Variants in PRKG1 observed in about 807,000 individuals in gnomAD.
PRKG1 encodes cGMP-dependent protein kinase 1.
Under a neutral mutation model 88.1 loss-of-function variants are expected in PRKG1, and 35 were observed. The ratio of observed to expected loss-of-function variants is 0.40; its 90% CI spans 0.30 to 0.53. The LOEUF is 0.53. Ranked by LOEUF, PRKG1 falls within the 20% of genes least tolerant of loss-of-function variation. The pLI, the probability that PRKG1 is intolerant of heterozygous loss-of-function variation, is 0.59. For synonymous variants in PRKG1, 303 were observed against 292.5 expected (o/e 1.04, Z -0.37); for missense variants, 540 against 839.8 (o/e 0.64, Z 4.41).
intron 3 of PRKG1, among the ~76,000 whole-genome samples, chr10:51,672,860 A>G (rs770996527): frequency 1.4e-4 from 21 of 152,212 alleles, no homozygotes; most frequent in Admixed American, 1.3e-4. Context: ...AAGCCAGCCA[A>G]TTCTTGTGTT....
chr10:52,086,003 G>A (rs1846903993), intron 7 of PRKG1, among the ~76,000 whole-genome samples: 1 of 151,990 alleles, frequency 6.6e-6, no homozygotes, highest in Non-Finnish European at 1.5e-5. Context: ...CATGTTACCT[G>A]AATTACTTTT....
intron 2 of PRKG1, among the ~76,000 whole-genome samples, chr10:51,209,304 C>A (rs1214788420): frequency 6.6e-6 from 1 of 152,100 alleles, no homozygotes; most frequent in Non-Finnish European, 1.5e-5. Context: ...TAACTGACAA[C>A]CTCATCCAGT....
At chr10:51,029,528 T>A (rs771240050) in intron 1 of PRKG1, among the ~76,000 whole-genome samples, 1 of 152,166 alleles carries the variant, frequency 6.6e-6, no homozygotes, top group Non-Finnish European at 1.5e-5. Flanking sequence ...TTGTGATATC[T>A]TGCAGGACAC....
At chr10:51,124,348 T>A (rs572112881) in intron 1 of PRKG1, among the ~76,000 whole-genome samples, 2 of 152,286 alleles carry the variant, frequency 1.3e-5, no homozygotes, top group Admixed American at 1.3e-4. Flanking sequence ...AATCATTTCT[T>A]GACCCTGAAA....
chr10:51,021,740 G>A (rs1843139529), intron 1 of PRKG1, among the ~76,000 whole-genome samples: 1 of 152,148 alleles, frequency 6.6e-6, no homozygotes, highest in Non-Finnish European at 1.5e-5. Context: ...GAGTGCAATG[G>A]TGCAATCTTG....
intron 4 of PRKG1, among the ~76,000 whole-genome samples, chr10:51,899,523 C>T (rs2132928963): frequency 6.6e-6 from 1 of 151,194 alleles, no homozygotes; most frequent in East Asian, 1.9e-4. Flanking sequence ...AAAAATTGGC[C>T]AGCTCATGCC....
intron 2 of PRKG1, among the ~76,000 whole-genome samples, chr10:51,406,312 A>G (rs947238931): frequency 6.6e-6 from 1 of 152,220 alleles, no homozygotes; most frequent in African/African-American, 2.4e-5. Flanking sequence ...TGCAGAGGAA[A>G]TGAGTAGATC....
chr10:52,282,324 T>A lies in PRKG1; in HGVS notation c.1709+8T>A. On this transcript the variant is annotated splice_region_variant and intron_variant, in intron 14 of 17. Coordinates refer to ENST00000373980, the MANE Select transcript of PRKG1 (RefSeq NM_006258.4). ...TGAACTCCTGACTGGCAGGTATGGATATTGATAGGGAACTGCTGATAAAAA... is the reference window on the plus strand; with the variant it reads ...TGAACTCCTGACTGGCAGGTATGGAAATTGATAGGGAACTGCTGATAAAAA... 6.3e-7 allele frequency: 1 copy of A among 1,581,850 alleles called. No individual in the cohort carries two copies. The highest frequency in any genetic ancestry group is 1.2e-5 in the South Asian group (1 of 86,558).
chr10:52,006,389 T>C (rs2133160222), intron 5 of PRKG1, among the ~76,000 whole-genome samples: 1 of 152,216 alleles, frequency 6.6e-6, no homozygotes, highest in East Asian at 1.9e-4. Flanking sequence ...AGAATCATAA[T>C]AAAATGATAC....
In PRKG1 at chr10:51,141,392, A is replaced by G. The variant is rs1845816445; in HGVS notation, c.312-11772A>G. On this transcript the variant is annotated intron_variant, in intron 1 of 17. Transcript: ENST00000373980. ...TTATTTTCACAAAGGATACATTTTTAGGGGTGTTTTTCCAGATTGTGGATA... is the reference window on the plus strand; with the variant it reads ...TTATTTTCACAAAGGATACATTTTTGGGGGTGTTTTTCCAGATTGTGGATA... Among the ~76,000 whole-genome samples the G allele has an allele frequency of 2.0e-5, 3 of 152,132 alleles. No homozygotes were observed. The South Asian group carries it at 6.2e-4, about 32-fold the overall frequency.
chr10:52,291,867 CAACA>C (rs1302376345), intron 17 of PRKG1, among the ~76,000 whole-genome samples: 10 of 152,142 alleles, frequency 6.6e-5, no homozygotes, highest in African/African-American at 2.4e-4. Context: ...ACAGTCCCAC[CAACA>C]GTGTAAAAGT....
At chr10:51,501,447 C>A (rs1841020774) in intron 3 of PRKG1, among the ~76,000 whole-genome samples, 1 of 152,100 alleles carries the variant, frequency 6.6e-6, no homozygotes, top group Non-Finnish European at 1.5e-5. Flanking sequence ...GCTATGCAAC[C>A]TGCTGGATGG....
At chr10:51,221,645 T>C (rs565540285) in intron 2 of PRKG1, among the ~76,000 whole-genome samples, 4 of 151,792 alleles carry the variant, frequency 2.6e-5, no homozygotes, top group African/African-American at 7.2e-5. Context: ...GGCAAACTTT[T>C]TTTTTCCTAA....
chr10:52,084,897 C>T (rs995513165), intron 7 of PRKG1, among the ~76,000 whole-genome samples: 4 of 151,902 alleles, frequency 2.6e-5, no homozygotes, highest in South Asian at 2.1e-4. Flanking sequence ...TGAAACTATG[C>T]GACAGCTTTC....
intron 3 of PRKG1, among the ~76,000 whole-genome samples, chr10:51,663,679 T>C (rs1840353224): frequency 7.7e-6 from 1 of 130,076 alleles, no homozygotes; most frequent in Admixed American, 9.0e-5. Context: ...ATCAAGCCAC[T>C]GGGAAACAGT....
At chr10:51,552,078 T>C (rs763423766) in intron 3 of PRKG1, among the ~76,000 whole-genome samples, 23 of 151,688 alleles carry the variant, frequency 1.5e-4, no homozygotes, top group Admixed American at 3.9e-4. Context: ...TTGATAGCTA[T>C]ATACCCTACA....
intron 1 of PRKG1, among the ~76,000 whole-genome samples, chr10:51,075,242 C>T (rs982985709): frequency 9.9e-5 from 15 of 152,174 alleles, no homozygotes; most frequent in African/African-American, 3.6e-4. Flanking sequence ...AAAAAGCCCC[C>T]GTCTCCCAAA....
intron 1 of PRKG1, among the ~76,000 whole-genome samples, chr10:51,088,396 T>A (rs1242183905): frequency 2.0e-5 from 3 of 151,664 alleles, no homozygotes; most frequent in African/African-American, 2.4e-5. Flanking sequence ...TTTTCAGTTT[T>A]TTTTTTTTTT....
chr10:52,217,184 A>G (rs74463275), intron 9 of PRKG1, among the ~76,000 whole-genome samples: 1 of 152,040 alleles, frequency 6.6e-6, no homozygotes, highest in Non-Finnish European at 1.5e-5. Flanking sequence ...TCCACCTCTT[A>G]GTTGTAAGCC....
Sources: gnomAD v4.1 joint callset for allele counts (sites outside exome capture counted in the v4.1 genomes callset) on GRCh38, gnomAD v4.1.1 for gene constraint, MANE v1.5 for transcripts, NCBI Gene and HGNC (gene_info 2026-07-23, HGNC 2026-07-21) for gene names.